SMARCA1: variants seen among roughly 807,000 people sequenced by gnomAD.
The protein encoded by SMARCA1 is SNF2 related chromatin remodeling ATPase 1.
SMARCA1 carries 17 observed loss-of-function variants against 93.6 expected under a neutral mutation model. That is an observed-to-expected ratio of 0.18 (90% CI 0.12 to 0.27). SMARCA1 has a LOEUF of 0.27. SMARCA1 is among the 10% of genes least tolerant of loss of function. SMARCA1 has a pLI of 1.00. For missense variants in SMARCA1, 630 were observed against 819.0 expected (o/e 0.77, Z 2.82); for synonymous variants, 271 against 271.4 (o/e 1.00, Z 0.01).
At chrX:129,493,296 T>G (rs1602700725) in intron 12 of SMARCA1, among the ~76,000 whole-genome samples, 1 of 111,672 alleles carries the variant, frequency 9.0e-6, no homozygotes, top group Non-Finnish European at 1.9e-5. Context: ...GTAAATAGTA[T>G]CAGGATACTG....
intron 20 of SMARCA1, among the ~76,000 whole-genome samples, chrX:129,469,605 C>G (rs1933025307): frequency 8.9e-6 from 1 of 112,346 alleles, no homozygotes; most frequent in African/African-American, 3.2e-5. Flanking sequence ...CTGCAAAACT[C>G]TATCCCTGGC....
chrX:129,515,058 T>TA (rs1050482600), intron 5 of SMARCA1, among the ~76,000 whole-genome samples: 113 of 108,538 alleles, frequency 1.0e-3, no homozygotes, highest in Middle Eastern at 4.7e-3. Flanking sequence ...CAAAAAATTT[T>TA]AAAAAAAAAG....
At chrX:129,520,138 C>CGTGTGT (rs374631579) in intron 1 of SMARCA1, among the ~76,000 whole-genome samples, 4,377 of 96,650 alleles carry the variant, frequency 0.045, 93 homozygotes, top group African/African-American at 0.069. Flanking sequence ...AACCTTCTCT[C>CGTGTGT]GTGTGTGTGT....
intron 11 of SMARCA1, 56 bp downstream of exon 11, chrX:129,497,789 T>C: frequency 3.9e-6 from 3 of 767,717 alleles, no homozygotes; most frequent in Non-Finnish European, 5.9e-6. Flanking sequence ...ATTTTATTTA[T>C]ATACAAGTCA....
intron 17 of SMARCA1, among the ~76,000 whole-genome samples, chrX:129,483,366 C>T (rs1933765902): frequency 1.9e-5 from 2 of 107,753 alleles, no homozygotes; most frequent in Admixed American, 9.9e-5. Context: ...TTCTTAATTA[C>T]AAGAAACTTA....
chrX:129,469,020 T>A (rs777613753), intron 20 of SMARCA1, 115 bp from the exon 21 acceptor site: 89 of 421,085 alleles, frequency 2.1e-4, no homozygotes, highest in Non-Finnish European at 2.8e-4. Context: ...ACTTAAAATG[T>A]TTCTCCTTAT....
Position 129,515,671 on chromosome X carries a change from G to A in SMARCA1, c.630+16C>T. 1.9e-6 allele frequency: 2 copies of A among 1,078,590 alleles called. No individual in the cohort carries two copies. Among genetic ancestry groups the A allele is most frequent in the East Asian group, 3.0e-5 (1 of 33,221 alleles). The allele number at this position is 1,078,590 out of a possible 1,213,427, so 88.9% of individuals were successfully genotyped here. On this transcript the variant is annotated intron_variant, in intron 5 of 24. Coordinates refer to ENST00000371121, the MANE Select transcript of SMARCA1 (RefSeq NM_001282874.2). The stretch of plus-strand genomic sequence containing the variant: ...ATTGATAACTGAGAATGTGTTTTTA[G>A]CTACCAATTCCTTACCATTTCATCA...
chrX:129,478,741 A>G (rs1224238926), intron 19 of SMARCA1, among the ~76,000 whole-genome samples: 2 of 112,208 alleles, frequency 1.8e-5, no homozygotes, highest in African/African-American at 3.2e-5. Context: ...ATCTCCAAAG[A>G]AGGAGCATAA....
intron 1 of SMARCA1, among the ~76,000 whole-genome samples, chrX:129,520,665 A>G (rs925837180): frequency 2.7e-5 from 3 of 110,979 alleles, no homozygotes; most frequent in Admixed American, 9.6e-5. Context: ...CTGCAGTAGC[A>G]TCACTGATTC....
chrX:129,489,550 G>A (rs1212541431), intron 15 of SMARCA1, among the ~76,000 whole-genome samples: 3 of 111,136 alleles, frequency 2.7e-5, no homozygotes, highest in East Asian at 2.8e-4. Context: ...TTTTTTGTTC[G>A]TTTGTTTGTT....
rs910722626 is a variant in SMARCA1, at chrX:129,451,142, T to C, written c.3031-2699A>G. On this transcript the variant is annotated intron_variant, in intron 23 of 24. Coordinates refer to ENST00000371121, the MANE Select transcript of SMARCA1 (RefSeq NM_001282874.2). Reference sequence around the variant, plus strand: ...CCAGGGTTAAATAATTTAGAAACAATAACTCTGAAATTTTCCTTACTTACC... The same window carrying C: ...CCAGGGTTAAATAATTTAGAAACAACAACTCTGAAATTTTCCTTACTTACC... 6.2e-5 allele frequency among the ~76,000 whole-genome samples: 7 copies of C among 112,266 alleles called. No individual in the cohort carries two copies. The Admixed American group carries it at 6.6e-4, about 11-fold the overall frequency.
chrX:129,518,235 T>A, intron 2 of SMARCA1, 126 bp downstream of exon 2: 1 of 362,973 alleles, frequency 2.8e-6, no homozygotes, highest in Non-Finnish European at 4.8e-6. Context: ...TATATTAAAT[T>A]ATTTTCCAAT....
At chrX:129,462,725 T>C (rs1602654863) in intron 23 of SMARCA1, among the ~76,000 whole-genome samples, 3 of 111,630 alleles carry the variant, frequency 2.7e-5, no homozygotes, top group African/African-American at 9.7e-5. Flanking sequence ...TAGAAGGTAA[T>C]TGAAGACAGA....
At chrX:129,512,656 T>C (rs976127439) in intron 5 of SMARCA1, among the ~76,000 whole-genome samples, 41 of 112,345 alleles carry the variant, frequency 3.6e-4, no homozygotes, top group African/African-American at 1.2e-3. Context: ...CGGTTTTATC[T>C]CTGAGCAAGA....
intron 19 of SMARCA1, among the ~76,000 whole-genome samples, chrX:129,471,651 A>G (rs1344269876): frequency 8.9e-6 from 1 of 112,111 alleles, no homozygotes; most frequent in Non-Finnish European, 1.9e-5. Flanking sequence ...AAAAAACAAA[A>G]AAGAATCCAT....
Position 129,465,597 on chromosome X carries a change from A to G in SMARCA1, c.2953T>C (p.Tyr985His). Residue 985 changes from tyrosine to histidine, a missense_variant, in exon 23 of 25, where the codon TAT (tyrosine) becomes CAT (histidine). Physicochemically the swap from Tyr to His is moderately conservative, Grantham distance 83. Around this residue, in one of 4 missense-constraint regions of SMARCA1, gnomAD observed 93 missense variants for 160.8 expected, o/e 0.58. Coordinates refer to ENST00000371121, the MANE Select transcript of SMARCA1 (RefSeq NM_001282874.2). ...HKMGFDRENV[Y>H]EELRQCVRNA... is the part of the protein sequence containing the mutation. ...CGTACACACTGTCTTAATTCTTCAT[A>G]TACATTTTCTCTATCAAAGCCCATT... 8.3e-7 allele frequency: 1 copy of G among 1,204,533 alleles called. No individual in the cohort carries two copies. Among genetic ancestry groups the G allele is most frequent in the Non-Finnish European group, 1.1e-6 (1 of 889,207 alleles).
chrX:129,481,562 C>A (rs1311476952), intron 17 of SMARCA1, among the ~76,000 whole-genome samples: 1 of 110,971 alleles, frequency 9.0e-6, no homozygotes, highest in East Asian at 2.8e-4. Flanking sequence ...ATTTATGCAG[C>A]CAAAAAACAC....
chrX:129,518,505 T>C, intron 1 of SMARCA1, 58 bp from the exon 2 acceptor site: 1 of 680,457 alleles, frequency 1.5e-6, no homozygotes, highest in East Asian at 3.3e-5. Flanking sequence ...CTTAAACTGG[T>C]CAATGCTCTC....
At chrX:129,459,667 G>C (rs1002310493) in intron 23 of SMARCA1, among the ~76,000 whole-genome samples, 1 of 111,725 alleles carries the variant, frequency 9.0e-6, no homozygotes, top group South Asian at 3.7e-4. Context: ...CTTAGAAAAA[G>C]GTAGATTAAA....
Sources: allele counts gnomAD v4.1 joint callset (sites outside exome capture counted in the v4.1 genomes callset), GRCh38; gene constraint gnomAD v4.1.1; regional missense constraint gnomAD v4.1.1; transcripts MANE v1.5; gene names NCBI Gene and HGNC (gene_info 2026-07-23, HGNC 2026-07-21).